DCC: variants seen among roughly 807,000 people sequenced by gnomAD.
DCC encodes netrin receptor DCC.
DCC carries 58 observed loss-of-function variants against 172.5 expected under a neutral mutation model. That is an observed-to-expected ratio of 0.34 (90% CI 0.27 to 0.42). DCC has a LOEUF of 0.42. Ranked by LOEUF, DCC falls within the 10% of genes least tolerant of loss-of-function variation. The pLI, the probability that DCC is intolerant of heterozygous loss-of-function variation, is 1.00. For missense variants in DCC, 1,740 were observed against 1,791.0 expected (o/e 0.97, Z 0.51); for synonymous variants, 709 against 644.5 (o/e 1.10, Z -1.52).
intron 12 of DCC, among the ~76,000 whole-genome samples, chr18:53,223,549 C>G (rs1373589057): frequency 6.6e-6 from 1 of 151,968 alleles, no homozygotes; most frequent in East Asian, 1.9e-4. Context: ...ATTAAATGAA[C>G]CTAGGTCTAG....
intron 2 of DCC, among the ~76,000 whole-genome samples, chr18:52,764,751 T>G (rs958964959): frequency 1.3e-5 from 2 of 152,240 alleles, no homozygotes. Context: ...AGACATTCCT[T>G]TATAGTAATA....
chr18:52,446,611 A>G (rs1568174104), intron 1 of DCC, among the ~76,000 whole-genome samples: 1 of 152,190 alleles, frequency 6.6e-6, no homozygotes, highest in Non-Finnish European at 1.5e-5. Flanking sequence ...ATTACAGTCT[A>G]CTTTGTGTTT....
intron 5 of DCC, among the ~76,000 whole-genome samples, chr18:53,054,823 C>T (rs113807436): frequency 2.0e-4 from 30 of 152,168 alleles, no homozygotes; most frequent in East Asian, 5.8e-4. Context: ...ATTGTGCTCA[C>T]GAGAAGTATA....
intron 5 of DCC, among the ~76,000 whole-genome samples, chr18:52,938,990 T>C (rs918269808): frequency 1.2e-4 from 19 of 152,130 alleles, no homozygotes; most frequent in Non-Finnish European, 2.9e-5. Context: ...GTGAAGAGGT[T>C]AATCATGGGA....
intron 1 of DCC, among the ~76,000 whole-genome samples, chr18:52,505,037 C>A (rs944616842): frequency 1.3e-5 from 2 of 152,154 alleles, no homozygotes; most frequent in African/African-American, 2.4e-5. Flanking sequence ...AAAGACACAG[C>A]TGAAAGCCTC....
At chr18:52,353,074 T>C (rs1176282256) in intron 1 of DCC, among the ~76,000 whole-genome samples, 1 of 152,218 alleles carries the variant, frequency 6.6e-6, no homozygotes, top group Admixed American at 6.5e-5. Context: ...TTTTCTTAGC[T>C]TGAAGCATCT....
chr18:53,383,572 G>C (rs1258733121), intron 15 of DCC, among the ~76,000 whole-genome samples: 2 of 149,078 alleles, frequency 1.3e-5, no homozygotes, highest in African/African-American at 5.0e-5. Context: ...TCTACTTTAA[G>C]AATCAACCAG....
intron 2 of DCC, among the ~76,000 whole-genome samples, chr18:52,808,142 A>G (rs2038122487): frequency 6.6e-6 from 1 of 152,120 alleles, no homozygotes; most frequent in Admixed American, 6.5e-5. Flanking sequence ...CCTAATAAGA[A>G]CTAGTAGAAT....
At chr18:53,525,640 A>G (rs2046446480) in intron 27 of DCC, among the ~76,000 whole-genome samples, 1 of 152,098 alleles carries the variant, frequency 6.6e-6, no homozygotes, top group Non-Finnish European at 1.5e-5. Context: ...TTTATTAGCT[A>G]GAATTTTATT....
At chr18:52,862,689 C>T (rs1399653766) in intron 2 of DCC, among the ~76,000 whole-genome samples, 1 of 151,980 alleles carries the variant, frequency 6.6e-6, no homozygotes, top group African/African-American at 2.4e-5. Flanking sequence ...CAGAGCAAGA[C>T]TGTTGTCTCC....
At chr18:52,530,275 A>G (rs2032109986) in intron 1 of DCC, among the ~76,000 whole-genome samples, 1 of 152,132 alleles carries the variant, frequency 6.6e-6, no homozygotes, top group Admixed American at 6.5e-5. Flanking sequence ...GAGCTGAGGC[A>G]TTTTTTGGAT....
At chr18:53,481,170 C>T (rs2045827884) in intron 25 of DCC, 1 of 152,180 alleles carries the variant, frequency 6.6e-6, no homozygotes, top group Non-Finnish European at 1.5e-5. Flanking sequence ...TCATTTCTGC[C>T]ACATTCTACT....
intron 14 of DCC, among the ~76,000 whole-genome samples, chr18:53,323,759 A>C (rs2057436881): frequency 1.3e-5 from 2 of 152,162 alleles, no homozygotes; most frequent in African/African-American, 4.8e-5. Context: ...ATTTAAATTG[A>C]GACCTGAAGG....
Position 53,135,178 on chromosome 18 carries a change from A to G in DCC, c.1262-22178A>G, listed in dbSNP as rs532076243. 5.3e-5 allele frequency among the ~76,000 whole-genome samples: 8 copies of G among 152,220 alleles called. No homozygotes were observed. The East Asian group carries it at 1.2e-3, about 22-fold the overall frequency. The stretch of plus-strand genomic sequence containing the variant: ...GCTTATTGGAACAGACTGACGGGAA[A>G]ACTATGCCGCTCTCTTGGTTTCTAG... On this transcript the variant is annotated intron_variant, in intron 7 of 28. Coordinates refer to ENST00000442544, the MANE Select transcript of DCC (RefSeq NM_005215.4).
At chr18:53,112,098 AC>A (rs1274943512) in intron 7 of DCC, among the ~76,000 whole-genome samples, 8 of 151,568 alleles carry the variant, frequency 5.3e-5, no homozygotes, top group East Asian at 2.0e-4. Flanking sequence ...GTAAAAAAAA[AC>A]AAATCAAAAC....
Position 52,372,033 on chromosome 18 carries a change from G to T in DCC, c.91+31155G>T, listed in dbSNP as rs551249839. On this transcript the variant is annotated intron_variant, in intron 1 of 28. Transcript: ENST00000442544. ...TTTGGTAGTTTTTGTTCACCACATT[G>T]TGAAGAAGGGAATGGAAAAATTACA... 6.6e-5 allele frequency among the ~76,000 whole-genome samples: 10 copies of T among 152,306 alleles called. No homozygotes were observed. In the East Asian group the frequency reaches 1.7e-3, roughly 26 times the overall value.
chr18:53,263,442 ACACC>A (rs2056629548), intron 12 of DCC, among the ~76,000 whole-genome samples: 1 of 152,148 alleles, frequency 6.6e-6, no homozygotes, highest in African/African-American at 2.4e-5. Flanking sequence ...ATGAGCCACC[ACACC>A]CAGCCTGAAG....
At chr18:52,560,468 T>C (rs1186894212) in intron 1 of DCC, among the ~76,000 whole-genome samples, 1 of 152,218 alleles carries the variant, frequency 6.6e-6, no homozygotes, top group Non-Finnish European at 1.5e-5. Flanking sequence ...ATACCCTCAT[T>C]GCAAGGATTT....
rs893471011 is a variant in DCC, at chr18:52,764,907, TGTC to T, written c.412+12534_412+12536del. 1.8e-4 allele frequency among the ~76,000 whole-genome samples: 27 copies of T among 152,332 alleles called. 1 individual carries two copies. The highest frequency in any genetic ancestry group is 6.0e-4 in the African/African-American group (25 of 41,580). On this transcript the variant is annotated intron_variant, in intron 2 of 28. Coordinates refer to ENST00000442544, the MANE Select transcript of DCC (RefSeq NM_005215.4). ...ACAATTTTTCAGGCTCTGTATATAA[TGTC>T]AGACCCCATAGAGTCACATCAGCAT...
Sources: allele counts gnomAD v4.1 joint callset (sites outside exome capture counted in the v4.1 genomes callset), GRCh38; gene constraint gnomAD v4.1.1; transcripts MANE v1.5; gene names NCBI Gene and HGNC (gene_info 2026-07-23, HGNC 2026-07-21).